The following CCDC146 variants were observed in gnomAD, a reference collection of about 807,000 sequenced individuals.
The protein encoded by CCDC146 is coiled-coil domain-containing protein 146.
CCDC146 carries 92 observed loss-of-function variants against 119.3 expected under a neutral mutation model. That is an observed-to-expected ratio of 0.77 (90% confidence interval 0.65 to 0.92). CCDC146 has a LOEUF of 0.92. Among genes scored for constraint, CCDC146 ranks in the 40% least tolerant of loss-of-function variants. The probability of loss-of-function intolerance (pLI) is 0.00; values close to 1 mark genes in which losing one functional copy is unlikely to be tolerated. For missense variants in CCDC146, 1,000 were observed against 1,103.0 expected (o/e 0.91, Z 1.32); for synonymous variants, 372 against 371.8 (o/e 1.00, Z -0.01).
In CCDC146 at chr7:77,241,446, T is replaced by C. The variant is rs1392835188; in HGVS notation, c.240-245T>C. 5.4e-5 allele frequency among the ~76,000 whole-genome samples: 2 copies of C among 37,190 alleles called. 1 individual carries two copies. Among genetic ancestry groups the C allele is most frequent in the East Asian group, 1.1e-3 (2 of 1,744 alleles). The allele number at this position is 37,190 out of a possible 152,430, so 24.4% of individuals were successfully genotyped here. A position where few individuals can be genotyped will look rare whatever the true frequency, so the allele number is the denominator to read the frequency against. ...CTCATATTTAGGCCAGAGTTAGGTG[T>C]TTTGGAGGAGAATACCACAAAGGTG... is the stretch of plus-strand genomic sequence containing the variant. On this transcript the variant is annotated intron_variant, in intron 3 of 18. Coordinates refer to ENST00000285871, the MANE Select transcript of CCDC146 (RefSeq NM_020879.3).
chr7:77,286,796 A>C lies in CCDC146; in HGVS notation c.2149-2A>C. 2 of 1,612,090 alleles carry C rather than the reference A, an allele frequency of 1.2e-6. No homozygotes were observed. Among genetic ancestry groups the C allele is most frequent in the Non-Finnish European group, 1.7e-6 (2 of 1,179,126 alleles). On this transcript the variant is annotated splice_acceptor_variant, in intron 15 of 18. Transcript: ENST00000285871. LOFTEE classifies it high-confidence loss of function. ...TTAAAGTTAATGTTTTTTTCTTAAT[A>C]GTTTTCACAGTGTACAGACAGAATT... is the stretch of plus-strand genomic sequence containing the variant.
At chr7:77,141,204 A>G (rs1274426794) in intron 1 of CCDC146, among the ~76,000 whole-genome samples, 1 of 152,156 alleles carries the variant, frequency 6.6e-6, no homozygotes, top group African/African-American at 2.4e-5. Flanking sequence ...TTTCCTGAGA[A>G]TGATGGTTTC....
intron 1 of CCDC146, among the ~76,000 whole-genome samples, chr7:77,147,720 C>A (rs1197603847): frequency 6.6e-6 from 1 of 152,228 alleles, no homozygotes; most frequent in Non-Finnish European, 1.5e-5. Flanking sequence ...GGCTGCAGAA[C>A]AGCGAATATT....
In CCDC146 at chr7:77,241,795, C is replaced by A; in HGVS notation, c.344C>A (p.Ala115Glu). 1 of 1,613,988 alleles carries A rather than the reference C, an allele frequency of 6.2e-7. No homozygotes were observed. The highest frequency in any genetic ancestry group is 8.5e-7 in the Non-Finnish European group (1 of 1,179,942). The change falls in exon 4 of 19, where the codon GCA becomes GAA. Residue 115 changes from alanine to glutamate, a missense_variant. This residue lies in a region of CCDC146 where 985 missense variants were observed against 1,045.3 expected (regional missense o/e 0.94). Transcript: ENST00000285871. The stretch of plus-strand genomic sequence containing the variant: ...CAGCAAGCTGATAATTTTCCAGAAG[C>A]ATTCTCCACGGAGGTCTCCAAAATG... ...HLQQADNFPEAFSTEVSKMRE... is the reference protein window; with the variant it reads ...HLQQADNFPEEFSTEVSKMRE...
At chr7:77,157,760 C>A (rs1294556613) in intron 1 of CCDC146, among the ~76,000 whole-genome samples, 2 of 152,208 alleles carry the variant, frequency 1.3e-5, no homozygotes, top group Non-Finnish European at 2.9e-5. Context: ...TGTAAGTGTG[C>A]AGTGTGTGGC....
intron 14 of CCDC146, 69 bp from the exon 15 acceptor site, chr7:77,282,488 G>A: frequency 1.9e-6 from 2 of 1,031,522 alleles, no homozygotes; most frequent in South Asian, 1.6e-5. Context: ...AAGCCAGAGG[G>A]AACCACAATG....
chr7:77,282,703 A>C lies in CCDC146; in HGVS notation c.2066A>C (p.Lys689Thr), dbSNP rs1285245389. 1 of 1,614,138 alleles carries C rather than the reference A, an allele frequency of 6.2e-7. No homozygotes were observed. Among genetic ancestry groups the C allele is most frequent in the Non-Finnish European group, 8.5e-7 (1 of 1,180,054 alleles). Residue 689 changes from lysine to threonine, a missense_variant, in exon 15 of 19, where the codon AAG becomes ACG. By Grantham distance (78) the Lys-to-Thr change is moderately conservative. Coordinates refer to ENST00000285871, the MANE Select transcript of CCDC146 (RefSeq NM_020879.3). ...IQFLKMKIAE[K>T]QRQICVTQKL... ...TTCCTGAAAATGAAGATTGCTGAGA[A>C]GCAAAGACAAATTTGTGTGACCCAG...
intron 8 of CCDC146, 137 bp from the exon 9 acceptor site, chr7:77,261,984 A>G: frequency 1.5e-6 from 1 of 648,604 alleles, no homozygotes; most frequent in Admixed American, 3.1e-5. Flanking sequence ...GCTGGGTCAA[A>G]CGGTAGTTCT....
Position 77,280,592 on chromosome 7 carries a change from G to A in CCDC146, c.1858G>A (p.Glu620Lys), listed in dbSNP as rs200989775. The A allele has an allele frequency of 8.1e-6, 13 of 1,614,096 alleles. No homozygotes were observed. Among genetic ancestry groups the A allele is most frequent in the East Asian group, 6.7e-5 (3 of 44,880 alleles). ...DRLANTITMI[E>K]EEMVQLRKRY... ...ACTTGCCAACACGATCACAATGATC[G>A]AAGAGGAGATGGTGCAGCTTCGCAA... The change falls in exon 14 of 19, where the codon GAA (glutamate) becomes AAA (lysine). Residue 620 changes from glutamate (E) to lysine (K), a missense_variant. By Grantham distance (56) the Glu-to-Lys change is moderately conservative (BLOSUM62 1). Around this residue, in one of 2 missense-constraint regions of CCDC146, gnomAD observed 985 missense variants for 1,045.3 expected, o/e 0.94. Transcript: ENST00000285871.
intron 2 of CCDC146, among the ~76,000 whole-genome samples, chr7:77,178,922 C>A (rs1324852413): frequency 2.6e-5 from 4 of 152,084 alleles, no homozygotes; most frequent in African/African-American, 7.2e-5. Context: ...AAATAAAATA[C>A]CTTTTTCAAC....
chr7:77,125,851 T>C (rs898611987), intron 1 of CCDC146, among the ~76,000 whole-genome samples: 1 of 152,132 alleles, frequency 6.6e-6, no homozygotes, highest in African/African-American at 2.4e-5. Context: ...CTAATAACTA[T>C]CAACATTGAG....
At chr7:77,244,000 C>T (rs975609941) in intron 4 of CCDC146, among the ~76,000 whole-genome samples, 3 of 152,134 alleles carry the variant, frequency 2.0e-5, no homozygotes, top group Admixed American at 6.5e-5. Flanking sequence ...GCCTCAGCCT[C>T]CTGAGTAGCT....
chr7:77,240,783 G>T (rs1476882904), intron 3 of CCDC146, among the ~76,000 whole-genome samples: 1 of 151,918 alleles, frequency 6.6e-6, no homozygotes, highest in Non-Finnish European at 1.5e-5. Flanking sequence ...ATCAAAACTA[G>T]GAAGTTAACA....
intron 2 of CCDC146, among the ~76,000 whole-genome samples, chr7:77,218,292 A>C (rs1792335411): frequency 6.7e-6 from 1 of 150,034 alleles, no homozygotes; most frequent in African/African-American, 2.4e-5. Context: ...TTTATATATA[A>C]ATTTTATATA....
intron 2 of CCDC146, among the ~76,000 whole-genome samples, chr7:77,182,672 C>T (rs1021896093): frequency 2.0e-5 from 3 of 152,070 alleles, no homozygotes; most frequent in African/African-American, 4.8e-5. Context: ...ATGGTGCACG[C>T]CTGTAGTCCC....
rs146406756 is a variant in CCDC146 at position 77,218,866 on chromosome 7, C to T, written c.157-18081C>T. On this transcript the variant is annotated intron_variant, in intron 2 of 18. Coordinates refer to ENST00000285871, the MANE Select transcript of CCDC146 (RefSeq NM_020879.3). ...GGATTATAGACATGAGCCACCATGC[C>T]TGGCCCCAATTTTTGAGTGTTGCCA... Among the ~76,000 whole-genome samples, 643 of 152,140 alleles carry T rather than the reference C, an allele frequency of 4.2e-3. 5 individuals carry two copies. Among genetic ancestry groups the T allele is most frequent in the Middle Eastern group, 0.02 (6 of 294 alleles).
chr7:77,259,165 T>C, intron 7 of CCDC146, 97 bp downstream of exon 7: 1 of 707,000 alleles, frequency 1.4e-6, no homozygotes, highest in Non-Finnish European at 2.3e-6. Flanking sequence ...TAAATTACTA[T>C]GATAATTTTA....
intron 2 of CCDC146, among the ~76,000 whole-genome samples, chr7:77,235,354 G>T (rs989014062): frequency 1.4e-4 from 22 of 152,304 alleles, no homozygotes; most frequent in African/African-American, 5.3e-4. Flanking sequence ...GTCAGAAAAG[G>T]CCTTCTTATG....
intron 2 of CCDC146, chr7:77,195,510 G>T (rs903883203): frequency 3.9e-5 from 6 of 152,074 alleles, no homozygotes; most frequent in African/African-American, 1.4e-4. Context: ...TTGTTCTGTT[G>T]CAAAGTAAAT....
Sources: allele counts gnomAD v4.1 joint callset (sites outside exome capture counted in the v4.1 genomes callset), GRCh38; gene constraint gnomAD v4.1.1; regional missense constraint gnomAD v4.1.1; transcripts MANE v1.5; gene names NCBI Gene and HGNC (gene_info 2026-07-23, HGNC 2026-07-21).